Variants in SLC17A6 observed in about 807,000 individuals in gnomAD.
SLC17A6 encodes the protein solute carrier family 17 member 6.
In SLC17A6, 35 loss-of-function variants were observed where a neutral mutation model predicts 67.1. The observed-to-expected ratio is 0.52, with a 90% CI of 0.40 to 0.69. The LOEUF is 0.69. Ranked by LOEUF, SLC17A6 falls within the 30% of genes least tolerant of loss-of-function variation. SLC17A6 has a pLI of 0.00. For missense variants in SLC17A6, 588 were observed against 723.9 expected (o/e 0.81, Z 2.15); for synonymous variants, 285 against 252.3 (o/e 1.13, Z -1.23).
intron 1 of SLC17A6, among the ~76,000 whole-genome samples, chr11:22,341,030 C>A (rs1029984615): frequency 6.6e-6 from 1 of 152,206 alleles, no homozygotes; most frequent in Non-Finnish European, 1.5e-5. Context: ...GTGGGAAAGG[C>A]TCTCTAGTTG....
chr11:22,338,849 GTGT>G, intron 1 of SLC17A6, among the ~76,000 whole-genome samples: 1 of 145,564 alleles, frequency 6.9e-6, no homozygotes, highest in Non-Finnish European at 1.5e-5. Context: ...GTGTGTGTGT[GTGT>G]TTGATTTTTG....
chr11:22,352,636 G>A (rs1289232787), intron 3 of SLC17A6, among the ~76,000 whole-genome samples: 2 of 152,146 alleles, frequency 1.3e-5, no homozygotes, highest in East Asian at 3.9e-4. Context: ...AATTCTCCAA[G>A]AGAAAAAATA....
intron 5 of SLC17A6, among the ~76,000 whole-genome samples, chr11:22,362,455 G>T (rs1189357970): frequency 6.6e-6 from 1 of 152,182 alleles, no homozygotes; most frequent in South Asian, 2.1e-4. Context: ...CAGACATGCA[G>T]GACACATGCC....
At chr11:22,372,139 C>T (rs1856181432) in intron 8 of SLC17A6, among the ~76,000 whole-genome samples, 1 of 151,632 alleles carries the variant, frequency 6.6e-6, no homozygotes, top group Non-Finnish European at 1.5e-5. Context: ...AATTGGGTAT[C>T]CTACAGAAAA....
intron 2 of SLC17A6, among the ~76,000 whole-genome samples, chr11:22,342,426 A>G (rs1426953983): frequency 2.0e-5 from 3 of 152,138 alleles, no homozygotes; most frequent in Non-Finnish European, 1.5e-5. Flanking sequence ...AAACTGGGGA[A>G]GACTCTTGGA....
chr11:22,360,881 T>A lies in SLC17A6; in HGVS notation c.574-16T>A. 5.6e-6 allele frequency: 9 copies of A among 1,604,324 alleles called. No homozygotes were observed. The highest frequency in any genetic ancestry group is 7.7e-6 in the Non-Finnish European group (9 of 1,171,138). Reference sequence around the variant, plus strand: ...TCCTAAATGGTGACAGTGATGAGTATCTTCCCCCATCACAGGGTGTGACCT... The same window carrying A: ...TCCTAAATGGTGACAGTGATGAGTAACTTCCCCCATCACAGGGTGTGACCT... On this transcript the variant is annotated splice_polypyrimidine_tract_variant and intron_variant, in intron 4 of 11. Coordinates refer to ENST00000263160, the MANE Select transcript of SLC17A6 (RefSeq NM_020346.3).
In SLC17A6 at chr11:22,355,422, C is replaced by T. The variant is rs142367887; in HGVS notation, c.459-3991C>T. Among the ~76,000 whole-genome samples, 55 of 152,262 alleles carry T rather than the reference C, an allele frequency of 3.6e-4. 1 individual carries two copies. The East Asian group carries it at 9.9e-3, about 27-fold the overall frequency. On this transcript the variant is annotated intron_variant, in intron 3 of 11. Coordinates refer to ENST00000263160, the MANE Select transcript of SLC17A6 (RefSeq NM_020346.3). ...TACCATTAGTGACTTTGACCCCTTG[C>T]TCCTCTGCAAGCCATCATCCTGGCT...
chr11:22,339,221 A>G (rs1310132569), intron 1 of SLC17A6, among the ~76,000 whole-genome samples: 1 of 144,936 alleles, frequency 6.9e-6, no homozygotes, highest in Non-Finnish European at 1.5e-5. Context: ...GAGAGAGAGA[A>G]AGAGAGAGGT....
At chr11:22,361,089 G>T (rs1052154880) in intron 5 of SLC17A6, 105 bp downstream of exon 5, 9 of 805,470 alleles carry the variant, frequency 1.1e-5, no homozygotes. Flanking sequence ...TCTGGGTTTT[G>T]TATGAACATC....
At position 22,359,519 on chromosome 11, in the gene SLC17A6, C is replaced by A; in HGVS notation, c.565C>A (p.Leu189Ile). 6.3e-7 allele frequency: 1 copy of A among 1,581,172 alleles called. No homozygotes were observed. The highest frequency in any genetic ancestry group is 8.6e-7 in the Non-Finnish European group (1 of 1,163,048). Residue 189 changes from leucine (L) to isoleucine (I), a missense_variant, in exon 4 of 12, where the codon CTT becomes ATT. This residue lies in a region of SLC17A6 where 414 missense variants were observed against 563.4 expected (regional missense o/e 0.73). Transcript: ENST00000263160. ...CVIFVRILQG[L>I]VEGVTYPACH... ...CATCTTTGTCAGAATACTGCAGGGA[C>A]TTGTTGAGGTATGTAACTTCAGGGT...
chr11:22,357,864 G>A, intron 3 of SLC17A6, among the ~76,000 whole-genome samples: 1 of 152,184 alleles, frequency 6.6e-6, no homozygotes, highest in East Asian at 1.9e-4. Context: ...CAGCACAGAG[G>A]AAGAATGGAG....
chr11:22,341,863 C>T (rs1855820066), intron 2 of SLC17A6, 83 bp downstream of exon 2: 7 of 1,539,830 alleles, frequency 4.5e-6, no homozygotes, highest in Non-Finnish European at 6.1e-6. Flanking sequence ...AGCCCCGTTC[C>T]CCCGCCACTG....
chr11:22,339,308 A>G (rs1048971378), intron 1 of SLC17A6, among the ~76,000 whole-genome samples: 3 of 151,114 alleles, frequency 2.0e-5, no homozygotes, highest in African/African-American at 7.3e-5. Context: ...ATCAAAATAT[A>G]TCAATAATTG....
At chr11:22,339,166 T>TTTTATATATATATA (rs1564976534) in intron 1 of SLC17A6, among the ~76,000 whole-genome samples, 1 of 48,942 alleles carries the variant, frequency 2.0e-5, no homozygotes, top group Non-Finnish European at 3.5e-5. Flanking sequence ...TATATATATG[T>TTTTATATATATATA]TATATATATA....
chr11:22,345,378 C>G (rs1024921082), intron 3 of SLC17A6, among the ~76,000 whole-genome samples: 1 of 150,160 alleles, frequency 6.7e-6, no homozygotes, highest in Non-Finnish European at 1.5e-5. Flanking sequence ...GTGGCACGAA[C>G]TGGGCTCACT....
intron 1 of SLC17A6, among the ~76,000 whole-genome samples, chr11:22,339,183 A>T (rs201048081): frequency 0.013 from 294 of 23,180 alleles, 39 homozygotes; most frequent in African/African-American, 0.061. Context: ...TATATGTTTT[A>T]TATATATATA....
intron 8 of SLC17A6, among the ~76,000 whole-genome samples, chr11:22,373,569 T>G (rs1164154062): frequency 6.6e-6 from 1 of 152,186 alleles, no homozygotes; most frequent in African/African-American, 2.4e-5. Context: ...ATATATATTG[T>G]CTGATTTTAT....
intron 3 of SLC17A6, among the ~76,000 whole-genome samples, chr11:22,347,300 T>C (rs1855888734): frequency 6.6e-6 from 1 of 152,120 alleles, no homozygotes; most frequent in Non-Finnish European, 1.5e-5. Flanking sequence ...TTCAGGCTCT[T>C]GAATGTGTTA....
chr11:22,374,143 G>T (rs1164385329), intron 8 of SLC17A6, among the ~76,000 whole-genome samples: 1 of 152,102 alleles, frequency 6.6e-6, no homozygotes, highest in Non-Finnish European at 1.5e-5. Flanking sequence ...GGTGCGTAAA[G>T]TTTTAAATTA....
Sources: allele counts gnomAD v4.1 joint callset (sites outside exome capture counted in the v4.1 genomes callset), GRCh38; gene constraint gnomAD v4.1.1; regional missense constraint gnomAD v4.1.1; transcripts MANE v1.5; gene names NCBI Gene and HGNC (gene_info 2026-07-23, HGNC 2026-07-21).